Variants in LRFN5 observed in about 807,000 individuals in gnomAD.
LRFN5 encodes the protein leucine rich repeat and fibronectin type III domain containing 5.
In LRFN5, 24 loss-of-function variants were observed where a neutral mutation model predicts 45.6. That is an observed-to-expected ratio of 0.53 (90% CI 0.38 to 0.74). The LOEUF is 0.74. LRFN5 is among the 30% of genes least tolerant of loss of function. LRFN5 has a pLI of 0.00. For missense variants in LRFN5, 776 were observed against 861.5 expected, an observed-to-expected ratio of 0.90 and a Z score of 1.24; for synonymous variants, 340 against 313.8, an observed-to-expected ratio of 1.08 and a Z score of -0.88.
At chr14:41,858,499 A>G (rs1399768767) in intron 2 of LRFN5, among the ~76,000 whole-genome samples, 2 of 148,140 alleles carry the variant, frequency 1.4e-5, no homozygotes, top group Non-Finnish European at 3.0e-5. Flanking sequence ...TGCTCTAGTA[A>G]GTTTTTTTTT....
chr14:41,885,280 A>G (rs892815603), intron 2 of LRFN5, among the ~76,000 whole-genome samples: 7 of 151,532 alleles, frequency 4.6e-5, no homozygotes, highest in African/African-American at 1.7e-4. Flanking sequence ...AGCCATGATC[A>G]CACCACTGCA....
At chr14:41,641,136 C>A (rs1879556298) in intron 1 of LRFN5, among the ~76,000 whole-genome samples, 1 of 151,980 alleles carries the variant, frequency 6.6e-6, no homozygotes, top group Non-Finnish European at 1.5e-5. Flanking sequence ...AATGTAAAAC[C>A]ACAGCACAGT....
chr14:41,815,474 G>A (rs1003339793), intron 2 of LRFN5, among the ~76,000 whole-genome samples: 9 of 152,170 alleles, frequency 5.9e-5, no homozygotes, highest in African/African-American at 2.2e-4. Flanking sequence ...TGGCTCACTG[G>A]AATCTATAAT....
At chr14:41,664,361 C>T (rs1412539499) in intron 1 of LRFN5, among the ~76,000 whole-genome samples, 2 of 151,804 alleles carry the variant, frequency 1.3e-5, no homozygotes, top group African/African-American at 2.4e-5. Context: ...TCTGTGCCAT[C>T]ATTTTGTACA....
In LRFN5 at chr14:41,889,026, T is replaced by C. The variant is rs1276609673; in HGVS notation, c.1385+1016T>C. Among the ~76,000 whole-genome samples the C allele has an allele frequency of 4.7e-5, 7 of 149,802 alleles. No individual in the cohort carries two copies. The Admixed American group carries it at 4.7e-4, about 10-fold the overall frequency. ...ACATATATATATGTGTGTGTATATATACACATGTATATATACATGTGTGTA... is the reference window on the plus strand; with the variant it reads ...ACATATATATATGTGTGTGTATATACACACATGTATATATACATGTGTGTA... On this transcript the variant is annotated intron_variant, in intron 3 of 5. Transcript: ENST00000298119.
chr14:41,893,294 T>G, intron 4 of LRFN5: 6 of 944,122 alleles, frequency 6.4e-6, no homozygotes, highest in Non-Finnish European at 7.6e-6. Context: ...GGTCTATAGA[T>G]AAATGTTTCT....
chr14:41,766,037 C>G (rs1426576153), intron 1 of LRFN5, among the ~76,000 whole-genome samples: 1 of 151,982 alleles, frequency 6.6e-6, no homozygotes, highest in East Asian at 1.9e-4. Flanking sequence ...TATTATTATG[C>G]TTTGGAATTT....
rs1344684090 is a variant in LRFN5, at chr14:41,607,213, T to C, written c.-1546T>C. Among the ~76,000 whole-genome samples the C allele has an allele frequency of 3.9e-5, 6 of 152,112 alleles. No homozygotes were observed. Among genetic ancestry groups the C allele is most frequent in the Non-Finnish European group, 8.8e-5 (6 of 68,030 alleles). ...TTGAGGATGTGAATTGTTTAGCAGC[T>C]GGCTGCTCCCTTAGGATCCTTGACT... On this transcript the variant is annotated 5_prime_UTR_variant, in exon 1 of 6. Transcript: ENST00000298119.
intron 1 of LRFN5, among the ~76,000 whole-genome samples, chr14:41,697,776 C>G (rs918649676): frequency 1.3e-5 from 2 of 150,562 alleles, no homozygotes; most frequent in South Asian, 2.1e-4. Flanking sequence ...AAAAGAATGT[C>G]TTTGTATTTT....
intron 1 of LRFN5, among the ~76,000 whole-genome samples, chr14:41,630,308 A>G (rs1888490383): frequency 6.6e-6 from 1 of 152,118 alleles, no homozygotes; most frequent in Non-Finnish European, 1.5e-5. Flanking sequence ...ACTTTTTTTC[A>G]GTTTTGTAGA....
chr14:41,759,934 T>G (rs774606811), intron 1 of LRFN5, among the ~76,000 whole-genome samples: 5 of 152,238 alleles, frequency 3.3e-5, no homozygotes, highest in Admixed American at 6.5e-5. Context: ...ATGTAAATTT[T>G]CATGCAGTCG....
chr14:41,668,408 C>T (rs1481222558), intron 1 of LRFN5, among the ~76,000 whole-genome samples: 2 of 152,038 alleles, frequency 1.3e-5, no homozygotes, highest in Non-Finnish European at 2.9e-5. Context: ...ATCCCAAGCT[C>T]CCTACTTTAT....
intron 1 of LRFN5, among the ~76,000 whole-genome samples, chr14:41,643,824 A>G (rs1879693292): frequency 6.6e-6 from 1 of 152,066 alleles, no homozygotes; most frequent in Non-Finnish European, 1.5e-5. Context: ...TCTACACATG[A>G]AACCATCTTT....
At chr14:41,663,871 GT>G (rs888586561) in intron 1 of LRFN5, among the ~76,000 whole-genome samples, 7 of 151,878 alleles carry the variant, frequency 4.6e-5, no homozygotes, top group Non-Finnish European at 1.0e-4. Flanking sequence ...GAAATAAATA[GT>G]TTTTTTAAAT....
intron 1 of LRFN5, among the ~76,000 whole-genome samples, chr14:41,683,211 A>T (rs1881980165): frequency 6.6e-6 from 1 of 152,184 alleles, no homozygotes. Flanking sequence ...AGAATGAAGG[A>T]AAAAATCCAT....
intron 2 of LRFN5, among the ~76,000 whole-genome samples, chr14:41,877,612 G>GT (rs1235243046): frequency 6.6e-6 from 1 of 151,406 alleles, no homozygotes; most frequent in African/African-American, 2.4e-5. Flanking sequence ...TTATTTCATG[G>GT]TAAAAATACA....
chr14:41,749,905 G>C (rs1007015295), intron 1 of LRFN5, among the ~76,000 whole-genome samples: 1 of 151,870 alleles, frequency 6.6e-6, no homozygotes, highest in African/African-American at 2.4e-5. Context: ...TTAAGAATTG[G>C]GTTACTGATG....
intron 1 of LRFN5, among the ~76,000 whole-genome samples, chr14:41,672,753 C>T (rs188763290): frequency 6.6e-6 from 1 of 152,274 alleles, no homozygotes; most frequent in African/African-American, 2.4e-5. Context: ...TCAAGAGGCA[C>T]AGAAAGCCTC....
At chr14:41,669,984 T>C (rs201680960) in intron 1 of LRFN5, among the ~76,000 whole-genome samples, 1 of 128,126 alleles carries the variant, frequency 7.8e-6, no homozygotes, top group East Asian at 2.1e-4. Context: ...AAAAATATAG[T>C]TAAAAATATA....
Sources: gnomAD v4.1 joint callset for allele counts (sites outside exome capture counted in the v4.1 genomes callset) on GRCh38, gnomAD v4.1.1 for gene constraint, MANE v1.5 for transcripts, NCBI Gene and HGNC (gene_info 2026-07-23, HGNC 2026-07-21) for gene names.